JHY: variants seen among roughly 807,000 people sequenced by gnomAD.
JHY encodes junctional cadherin complex regulator, also known as jhy protein homolog.
A neutral mutation model predicts 78.0 loss-of-function variants in JHY; 69 were observed. The ratio of observed to expected loss-of-function variants is 0.88; its 90% CI spans 0.73 to 1.08. The LOEUF is 1.08. JHY is among the 50% of genes least tolerant of loss of function. JHY has a pLI of 0.00. For missense variants in JHY, 944 were observed against 927.8 expected (o/e 1.02, Z -0.23); for synonymous variants, 368 against 342.6 (o/e 1.07, Z -0.82).
chr11:122,908,848 G>A (rs1047283801), intron 3 of JHY, among the ~76,000 whole-genome samples: 3 of 152,030 alleles, frequency 2.0e-5, no homozygotes, highest in Admixed American at 6.6e-5. Flanking sequence ...ACAGGCACCC[G>A]CCACCACACC....
chr11:122,905,289 T>C (rs1253087551), intron 3 of JHY: 25 of 1,611,844 alleles, frequency 1.6e-5, no homozygotes, highest in Non-Finnish European at 2.0e-5. Context: ...CCTATGGACA[T>C]GTCCAGGGAT....
At chr11:122,927,547 A>T (rs934951482) in intron 4 of JHY, among the ~76,000 whole-genome samples, 1 of 151,870 alleles carries the variant, frequency 6.6e-6, no homozygotes, top group African/African-American at 2.4e-5. Context: ...CCCAAGTCCA[A>T]TGCCTTCTTT....
At position 122,934,549 on chromosome 11, in the gene JHY, T is replaced by C. The variant is rs2135355263; in HGVS notation, c.1108T>C (p.Cys370Arg). The C allele has an allele frequency of 1.9e-6, 3 of 1,614,016 alleles. No individual in the cohort carries two copies. The highest frequency in any genetic ancestry group is 2.5e-6 in the Non-Finnish European group (3 of 1,179,996). ...RPAKLKIRKQCKHQNGLKSST... is the reference protein window; with the variant it reads ...RPAKLKIRKQRKHQNGLKSST... ...AGCCAAGCTCAAGATTCGAAAGCAG[T>C]GTAAACACCAGAATGGCCTGAAGTC... The change falls in exon 5 of 9, where the codon TGT becomes CGT. Residue 370 changes from cysteine (C) to arginine (R), a missense_variant. Physicochemically the swap from Cys to Arg is radical, Grantham distance 180. Transcript: ENST00000227349.
rs534400656 is a variant in JHY at position 122,925,948 on chromosome 11, C to T, written c.978+938C>T. 7.3e-5 allele frequency among the ~76,000 whole-genome samples: 11 copies of T among 151,426 alleles called. No individual in the cohort carries two copies. The South Asian group carries it at 1.9e-3, about 26-fold the overall frequency. On this transcript the variant is annotated intron_variant, in intron 4 of 8. Coordinates refer to ENST00000227349, the MANE Select transcript of JHY (RefSeq NM_024806.4). ...AGGAGAATCACTTGAACCTGGAAGGCGAAGGTTGCAGTGAGCCAAGATCAT... is the reference window on the plus strand; with the variant it reads ...AGGAGAATCACTTGAACCTGGAAGGTGAAGGTTGCAGTGAGCCAAGATCAT...
intron 8 of JHY, chr11:122,958,732 T>C (rs1864244208): frequency 4.1e-6 from 4 of 984,950 alleles, no homozygotes; most frequent in Non-Finnish European, 4.8e-6. Flanking sequence ...TTTTTCAGCG[T>C]CTAGATTGCT....
At chr11:122,889,306 C>T (rs984047925) in intron 2 of JHY, among the ~76,000 whole-genome samples, 3 of 135,286 alleles carry the variant, frequency 2.2e-5, no homozygotes, top group Non-Finnish European at 4.7e-5. Context: ...GGGTATCCTT[C>T]GATAGAGTTG....
chr11:122,930,154 C>T (rs1591388250), intron 4 of JHY, among the ~76,000 whole-genome samples: 1 of 152,160 alleles, frequency 6.6e-6, no homozygotes, highest in African/African-American at 2.4e-5. Context: ...GATTTTGGCT[C>T]ACTGCAACCT....
chr11:122,926,215 AAAAAG>A (rs1264553375), intron 4 of JHY, among the ~76,000 whole-genome samples: 25 of 85,346 alleles, frequency 2.9e-4, no homozygotes, highest in African/African-American at 5.1e-4. Context: ...AAGAAAAAAG[AAAAAG>A]AAAAAGAAAA....
At position 122,904,232 on chromosome 11, in the gene JHY, C is replaced by G. The variant is rs1404654902; in HGVS notation, c.652C>G (p.Leu218Val). The change falls in exon 3 of 9, where the codon CTG (leucine) becomes GTG (valine). Residue 218 changes from leucine (L) to valine (V), a missense_variant. Leu to Val is a conservative substitution (Grantham distance 32, BLOSUM62 1). Transcript: ENST00000227349. ...KPFSELSDSD[L>V]EEKSSSLSPY... ...GTTTTCAGAGCTGAGCGACAGTGAC[C>G]TGGAGGAGAAGTCGAGCAGCCTTTC... 1.2e-6 allele frequency: 2 copies of G among 1,614,170 alleles called. No individual in the cohort carries two copies. Among genetic ancestry groups the G allele is most frequent in the East Asian group, 2.2e-5 (1 of 44,882 alleles).
At chr11:122,915,907 A>G (rs546126182) in intron 3 of JHY, among the ~76,000 whole-genome samples, 1 of 152,288 alleles carries the variant, frequency 6.6e-6, no homozygotes, top group East Asian at 1.9e-4. Context: ...AAAGAACACT[A>G]AGTAGAAAGC....
At chr11:122,915,809 C>T (rs962751336) in intron 3 of JHY, among the ~76,000 whole-genome samples, 14 of 152,138 alleles carry the variant, frequency 9.2e-5, no homozygotes, top group Non-Finnish European at 8.8e-5. Context: ...CCACAGCACC[C>T]AGCCCTAAAA....
At chr11:122,943,292 T>C (rs1377290596) in intron 5 of JHY, among the ~76,000 whole-genome samples, 3 of 152,250 alleles carry the variant, frequency 2.0e-5, no homozygotes, top group Non-Finnish European at 4.4e-5. Context: ...TTGTTATATA[T>C]CTAACAAAAC....
intron 5 of JHY, among the ~76,000 whole-genome samples, chr11:122,939,290 C>T (rs536089428): frequency 3.7e-4 from 57 of 152,266 alleles, no homozygotes; most frequent in Admixed American, 8.5e-4. Flanking sequence ...CCAACCCTGA[C>T]TGCTTCTTAA....
At chr11:122,937,238 A>G (rs1192138076) in intron 5 of JHY, among the ~76,000 whole-genome samples, 1 of 114,526 alleles carries the variant, frequency 8.7e-6, no homozygotes, top group Non-Finnish European at 1.7e-5. Flanking sequence ...CCCTCTTTTC[A>G]TTTCTTTTTT....
chr11:122,912,463 A>G (rs1219002911), intron 3 of JHY, among the ~76,000 whole-genome samples: 1 of 152,156 alleles, frequency 6.6e-6, no homozygotes, highest in Non-Finnish European at 1.5e-5. Context: ...TTGCTAGGGA[A>G]CAACGAAATA....
At chr11:122,956,163 A>C (rs7124436) in intron 6 of JHY, among the ~76,000 whole-genome samples, 6,097 of 152,038 alleles carry the variant, frequency 0.04, 214 homozygotes, top group East Asian at 0.11. Context: ...CTCCAAAAAA[A>C]AAAAAATAAA....
chr11:122,906,273 G>T (rs117743007), intron 3 of JHY, among the ~76,000 whole-genome samples: 2 of 152,006 alleles, frequency 1.3e-5, no homozygotes, highest in African/African-American at 4.8e-5. Context: ...CTATAACCTC[G>T]ACCTCCTGGG....
At chr11:122,933,252 T>G (rs1863673326) in intron 4 of JHY, among the ~76,000 whole-genome samples, 2 of 152,216 alleles carry the variant, frequency 1.3e-5, no homozygotes, top group African/African-American at 4.8e-5. Context: ...CTGTTGCATT[T>G]TTCAGTTAAT....
rs779951772 is a variant in JHY, at chr11:122,886,016, G to A, written c.167G>A (p.Cys56Tyr). The change falls in exon 2 of 9, where the codon TGC becomes TAC. Residue 56 changes from cysteine to tyrosine, a missense_variant. Physicochemically the swap from Cys to Tyr is radical, Grantham distance 194 (BLOSUM62 -2). Coordinates refer to ENST00000227349, the MANE Select transcript of JHY (RefSeq NM_024806.4). ...GAAAGCCTCACGCAAGAGATTATGT[G>A]CCATTCTGAGTTTGATGATCGAATC... Reference protein sequence around the residue: ...DSESLTQEIMCHSEFDDRIRG... With the variant: ...DSESLTQEIMYHSEFDDRIRG... The A allele has an allele frequency of 1.9e-6, 3 of 1,614,010 alleles. No homozygotes were observed. Among genetic ancestry groups the A allele is most frequent in the Non-Finnish European group, 1.7e-6 (2 of 1,180,024 alleles).
Sources: gnomAD v4.1 joint callset for allele counts (sites outside exome capture counted in the v4.1 genomes callset) on GRCh38, gnomAD v4.1.1 for gene constraint, MANE v1.5 for transcripts, NCBI Gene and HGNC (gene_info 2026-07-23, HGNC 2026-07-21) for gene names.